The following LYRM7 variants were observed in gnomAD, a reference collection of about 807,000 sequenced individuals.
LYRM7 encodes the protein complex III assembly factor LYRM7.
In LYRM7, 9 loss-of-function variants were observed where a neutral mutation model predicts 15.8. The observed-to-expected ratio is 0.57, with a 90% CI of 0.34 to 0.99. The LOEUF (loss-of-function observed/expected upper bound fraction) is 0.99, where lower values mean the gene tolerates loss of function less well. Ranked by LOEUF, LYRM7 falls within the 50% of genes least tolerant of loss-of-function variation. LYRM7 has a pLI of 0.02. For synonymous variants in LYRM7, 39 were observed against 39.4 expected (o/e 0.99, Z 0.04); for missense variants, 115 against 119.1 (o/e 0.97, Z 0.16).
At chr5:131,184,790 T>TA (rs1404798199) in intron 3 of LYRM7, among the ~76,000 whole-genome samples, 1 of 152,014 alleles carries the variant, frequency 6.6e-6, no homozygotes, top group African/African-American at 2.4e-5. Context: ...GGAGACCCAT[T>TA]ATTTTCTCCT....
chr5:131,182,536 G>C (rs1479823813), intron 3 of LYRM7, among the ~76,000 whole-genome samples: 1 of 152,098 alleles, frequency 6.6e-6, no homozygotes, highest in Non-Finnish European at 1.5e-5. Flanking sequence ...ATCAAAGCCA[G>C]AACAGCTGAA....
chr5:131,171,011 G>A lies in LYRM7; in HGVS notation c.-10G>A. 1 of 1,547,590 alleles carries A rather than the reference G, an allele frequency of 6.5e-7. No individual in the cohort carries two copies. The highest frequency in any genetic ancestry group is 8.7e-7 in the Non-Finnish European group (1 of 1,153,574). ...CTGCTCTGGAGGTAGCGGCCGCGGT[G>A]AGGAGAGCCATGGGACGGGCAGTCA... On this transcript the variant is annotated 5_prime_UTR_variant, in exon 1 of 5. Coordinates refer to ENST00000379380, the MANE Select transcript of LYRM7 (RefSeq NM_181705.4).
intron 1 of LYRM7, among the ~76,000 whole-genome samples, chr5:131,176,793 T>C (rs1755610165): frequency 6.6e-6 from 1 of 152,182 alleles, no homozygotes; most frequent in Admixed American, 6.5e-5. Flanking sequence ...GCTTAGCACC[T>C]ACTTATAAGT....
chr5:131,181,385 T>C (rs1276600590), intron 2 of LYRM7, among the ~76,000 whole-genome samples: 1 of 92,864 alleles, frequency 1.1e-5, no homozygotes, highest in African/African-American at 7.5e-5. Context: ...ATATATAATA[T>C]ATACATATAT....
chr5:131,181,072 C>G (rs1755683062), intron 2 of LYRM7, among the ~76,000 whole-genome samples: 1 of 150,696 alleles, frequency 6.6e-6, no homozygotes, highest in Admixed American at 6.7e-5. Flanking sequence ...AGGCAAATTA[C>G]TTGAGGTCAG....
intron 1 of LYRM7, among the ~76,000 whole-genome samples, chr5:131,175,001 T>C (rs1755576164): frequency 6.6e-6 from 1 of 152,116 alleles, no homozygotes. Context: ...TGAGCAGTAA[T>C]ATTTTGAAAG....
chr5:131,191,817 T>C (rs1321559997), intron 4 of LYRM7, among the ~76,000 whole-genome samples: 1 of 152,026 alleles, frequency 6.6e-6, no homozygotes, highest in Non-Finnish European at 1.5e-5. Context: ...AGGATAGCCA[T>C]TATAGAAAAC....
At chr5:131,190,156 A>G (rs1474826700) in intron 4 of LYRM7, among the ~76,000 whole-genome samples, 1 of 149,366 alleles carries the variant, frequency 6.7e-6, no homozygotes, top group African/African-American at 2.5e-5. Flanking sequence ...AAAAGAAAAG[A>G]AAAAAAAAGA....
At position 131,180,185 on chromosome 5, in the gene LYRM7, C is replaced by T. The variant is rs201710362; in HGVS notation, c.91+18C>T. 2 of 1,554,806 alleles carry T rather than the reference C, an allele frequency of 1.3e-6. No individual in the cohort carries two copies. The highest frequency in any genetic ancestry group is 1.8e-6 in the Non-Finnish European group (2 of 1,127,824). On this transcript the variant is annotated intron_variant, in intron 2 of 4. Coordinates refer to ENST00000379380, the MANE Select transcript of LYRM7 (RefSeq NM_181705.4). ...ATTAGAAGGTAAGTATGTTCTTTAC[C>T]CCTTTGGAGCCAGTCTACTTTTTAG...
At chr5:131,171,137 G>A in intron 1 of LYRM7, 99 bp downstream of exon 1, 2 of 1,231,692 alleles carry the variant, frequency 1.6e-6, no homozygotes, top group Non-Finnish European at 2.2e-6. Context: ...TGGGGCTCCT[G>A]ACCCTTTATG....
intron 4 of LYRM7, among the ~76,000 whole-genome samples, chr5:131,194,644 T>G (rs903830691): frequency 2.0e-4 from 31 of 152,222 alleles, no homozygotes; most frequent in African/African-American, 7.2e-4. Context: ...AGCATTGGTA[T>G]GGTGGCAAGA....
chr5:131,181,752 A>C (rs183601410), intron 2 of LYRM7, among the ~76,000 whole-genome samples: 192 of 151,976 alleles, frequency 1.3e-3, no homozygotes, highest in Non-Finnish European at 2.3e-3. Context: ...TTTGTCACTC[A>C]CTTTATATGT....
Position 131,204,742 on chromosome 5 carries a change from T to TTGTGTG in LYRM7, c.*5155_*5160dup. On this transcript the variant is annotated 3_prime_UTR_variant, in exon 5 of 5. Coordinates refer to ENST00000379380, the MANE Select transcript of LYRM7 (RefSeq NM_181705.4). The stretch of plus-strand genomic sequence containing the variant: ...AGCATTTCAGAAAACGGATGTTCAT[T>TTGTGTG]TGTGTGTGTGTGTGTGTGTAAGCAG... The TTGTGTG allele has an allele frequency of 6.7e-6, 1 of 149,984 alleles. No homozygotes were observed. The highest frequency in any genetic ancestry group is 1.9e-4 in the East Asian group (1 of 5,238). 9.3% of individuals were successfully genotyped at this position (149,984 alleles called of 1,614,324 possible). A position where few individuals can be genotyped will look rare whatever the true frequency, so the allele number is the denominator to read the frequency against.
At chr5:131,171,484 C>G (rs562634261) in intron 1 of LYRM7, 2 of 154,708 alleles carry the variant, frequency 1.3e-5, no homozygotes, top group African/African-American at 4.8e-5. Flanking sequence ...GAAACCGAAC[C>G]CCAGCAAAGT....
In LYRM7 at chr5:131,203,098, C is replaced by T. The variant is rs1395645522; in HGVS notation, c.*3497C>T. ...GGAATTTCTATACCTATTGACAAAG[C>T]ACATAATTTAACCATAAACACAAAG... On this transcript the variant is annotated 3_prime_UTR_variant, in exon 5 of 5. Transcript: ENST00000379380. The T allele has an allele frequency of 2.0e-5, 3 of 152,234 alleles. No individual in the cohort carries two copies. The highest frequency in any genetic ancestry group is 1.9e-4 in the East Asian group (1 of 5,334). 9.4% of individuals were successfully genotyped at this position (152,234 alleles called of 1,614,324 possible).
chr5:131,191,306 G>A (rs922058182), intron 4 of LYRM7, among the ~76,000 whole-genome samples: 2 of 151,958 alleles, frequency 1.3e-5, no homozygotes, highest in Non-Finnish European at 2.9e-5. Flanking sequence ...ATACTGTCAC[G>A]TAGAAATGAC....
At chr5:131,186,760 C>T (rs1755800371) in intron 3 of LYRM7, among the ~76,000 whole-genome samples, 1 of 152,194 alleles carries the variant, frequency 6.6e-6, no homozygotes, top group Admixed American at 6.5e-5. Context: ...AAATGATTCA[C>T]ATCCCAGACA....
At chr5:131,192,155 T>G (rs1013053304) in intron 4 of LYRM7, among the ~76,000 whole-genome samples, 2 of 151,890 alleles carry the variant, frequency 1.3e-5, no homozygotes, top group African/African-American at 4.8e-5. Flanking sequence ...TGGAAGACAT[T>G]ATGTTAAGTG....
chr5:131,192,499 A>G (rs1329576930), intron 4 of LYRM7, among the ~76,000 whole-genome samples: 1 of 152,236 alleles, frequency 6.6e-6, no homozygotes, highest in Non-Finnish European at 1.5e-5. Flanking sequence ...CATCACACAT[A>G]TACATGCATT....
Sources: allele counts gnomAD v4.1 joint callset (sites outside exome capture counted in the v4.1 genomes callset), GRCh38; gene constraint gnomAD v4.1.1; transcripts MANE v1.5; gene names NCBI Gene and HGNC (gene_info 2026-07-23, HGNC 2026-07-21).